The following IL2RB variants were observed in gnomAD, a reference collection of about 807,000 sequenced individuals.
IL2RB encodes the protein interleukin-2 receptor subunit beta.
IL2RB carries 17 observed loss-of-function variants against 44.2 expected under a neutral mutation model. That is an observed-to-expected ratio of 0.38 (90% confidence interval 0.26 to 0.58). The LOEUF is 0.58. Among genes scored for constraint, IL2RB ranks in the 20% least tolerant of loss-of-function variants. The probability of loss-of-function intolerance (pLI) is 0.63; values close to 1 mark genes in which losing one functional copy is unlikely to be tolerated. For synonymous variants in IL2RB, 286 were observed against 297.9 expected (o/e 0.96, Z 0.41); for missense variants, 624 against 685.5 (o/e 0.91, Z 1.00).
chr22:37,150,951 A>G (rs1239169350), upstream of IL2RB, among the ~76,000 whole-genome samples: 1 of 152,214 alleles, frequency 6.6e-6, no homozygotes, highest in Non-Finnish European at 1.5e-5. Context: ...TATATGTACC[A>G]CATTTTCTTT....
intron 3 of IL2RB, among the ~76,000 whole-genome samples, chr22:37,143,124 T>G (rs1470921247): frequency 6.6e-6 from 1 of 152,190 alleles, no homozygotes; most frequent in East Asian, 1.9e-4. Flanking sequence ...TCCCCACAGC[T>G]GCCTACAGGG....
chr22:37,131,145 C>T (rs967524068), intron 9 of IL2RB, among the ~76,000 whole-genome samples: 4 of 151,210 alleles, frequency 2.6e-5, no homozygotes, highest in South Asian at 2.1e-4. Flanking sequence ...CTAGCCTGGA[C>T]GACAGAGCAA....
intron 1 of IL2RB, chr22:37,166,750 G>T (rs1923095325): frequency 6.6e-6 from 1 of 152,230 alleles, no homozygotes; most frequent in Non-Finnish European, 1.5e-5. Flanking sequence ...TGTGCTGCAG[G>T]AGGGAGGTGA....
chr22:37,131,106 G>T (rs1306591679), intron 9 of IL2RB, among the ~76,000 whole-genome samples: 1 of 152,258 alleles, frequency 6.6e-6, no homozygotes, highest in African/African-American at 2.4e-5. Flanking sequence ...GGCAGAGTTT[G>T]CAGTGAGCTG....
intron 4 of IL2RB, among the ~76,000 whole-genome samples, chr22:37,142,198 A>G (rs537604364): frequency 6.6e-6 from 1 of 152,316 alleles, no homozygotes; most frequent in East Asian, 1.9e-4. Flanking sequence ...GCAGAGGCAG[A>G]ATGGCAGATG....
chr22:37,167,299 A>G (rs1279696870), intron 1 of IL2RB, among the ~76,000 whole-genome samples: 2 of 151,698 alleles, frequency 1.3e-5, no homozygotes, highest in African/African-American at 2.4e-5. Context: ...CCAAGCGCTC[A>G]CAGTCCTCTA....
chr22:37,159,815 A>AC (rs1009158621), intron 1 of IL2RB, among the ~76,000 whole-genome samples: 7 of 152,018 alleles, frequency 4.6e-5, no homozygotes, highest in African/African-American at 1.7e-4. Context: ...ATGGAGAAGG[A>AC]CCCCCCACTT....
In IL2RB at chr22:37,141,840, C is replaced by G. The variant is rs1921981133; in HGVS notation, c.282+594G>C. Among the ~76,000 whole-genome samples, 1 of 152,206 alleles carries G rather than the reference C, an allele frequency of 6.6e-6. No individual in the cohort carries two copies. The highest frequency in any genetic ancestry group is 1.5e-5 in the Non-Finnish European group (1 of 68,018). ...TGCAGGTGCCCCTTGGCCCGAGCAG[C>G]CTGGGCAGAAGGAGGCGGGTCCCTG... On this transcript the variant is annotated intron_variant, in intron 4 of 9. Transcript: ENST00000216223. The surrounding 1 kb of genome is among the most constrained non-coding windows in gnomAD (Gnocchi z 4.4).
intron 1 of IL2RB, among the ~76,000 whole-genome samples, chr22:37,166,414 C>T (rs1923080419): frequency 6.6e-6 from 1 of 152,238 alleles, no homozygotes; most frequent in Non-Finnish European, 1.5e-5. Context: ...AGATGCACTC[C>T]ACGCATTCAA....
At chr22:37,169,418 C>CT (rs1341922811) in intron 1 of IL2RB, among the ~76,000 whole-genome samples, 1 of 152,090 alleles carries the variant, frequency 6.6e-6, no homozygotes, top group Non-Finnish European at 1.5e-5. Flanking sequence ...CACAGGGGTT[C>CT]TGTTTACAGA....
intron 1 of IL2RB, among the ~76,000 whole-genome samples, chr22:37,148,819 G>A (rs1601606218): frequency 6.6e-6 from 1 of 152,072 alleles, no homozygotes; most frequent in African/African-American, 2.4e-5. Flanking sequence ...TGCAGTTCGG[G>A]GCCCCTGCTG....
intron 4 of IL2RB, among the ~76,000 whole-genome samples, chr22:37,140,405 A>C (rs1921908133): frequency 6.6e-6 from 1 of 152,074 alleles, no homozygotes; most frequent in African/African-American, 2.4e-5. Context: ...TCTTGAGAGC[A>C]CTTTACATAT....
chr22:37,135,929 G>C (rs138475528), intron 7 of IL2RB, among the ~76,000 whole-genome samples: 2 of 152,136 alleles, frequency 1.3e-5, no homozygotes, highest in East Asian at 3.8e-4. Context: ...AGATCAGGCC[G>C]AGAGGTGAAA....
intron 9 of IL2RB, 130 bp downstream of exon 9, chr22:37,132,254 C>A: frequency 1.5e-6 from 1 of 647,810 alleles, no homozygotes; most frequent in South Asian, 1.8e-5. Flanking sequence ...GAGACCCATG[C>A]ACACCCCGGA....
In IL2RB at chr22:37,141,157, C is replaced by T. The variant is rs976031535; in HGVS notation, c.282+1277G>A. Among the ~76,000 whole-genome samples the T allele has an allele frequency of 5.3e-5, 8 of 152,184 alleles. No individual in the cohort carries two copies. The South Asian group carries it at 8.3e-4, about 16-fold the overall frequency. On this transcript the variant is annotated intron_variant, in intron 4 of 9. Transcript: ENST00000216223. The surrounding 1 kb of genome is among the most constrained non-coding windows in gnomAD (Gnocchi z 4.4). ...GGGGGCTGGGATCAGGCAAGAGCCC[C>T]GCTCTCCTGGGCGCAGCTGCAGCCA...
chr22:37,135,448 CA>C lies in IL2RB; in HGVS notation c.704-7del. ...AATGGTGTCCTTCCCAAGGGCTGCC[CA>C]GGGGTGGGAGAAACAGCAAGGAGAG... On this transcript the variant is annotated splice_region_variant and splice_polypyrimidine_tract_variant and intron_variant, in intron 7 of 9. Coordinates refer to ENST00000216223, the MANE Select transcript of IL2RB (RefSeq NM_000878.5). The C allele has an allele frequency of 1.3e-6, 2 of 1,591,012 alleles. No homozygotes were observed. The highest frequency in any genetic ancestry group is 8.6e-7 in the Non-Finnish European group (1 of 1,159,128).
At chr22:37,161,726 G>C (rs1263139951) in intron 1 of IL2RB, 1 of 152,110 alleles carries the variant, frequency 6.6e-6, no homozygotes, top group Non-Finnish European at 1.5e-5. Context: ...ATGTGACCAG[G>C]TTCCCCCAGT....
chr22:37,163,547 T>TC (rs1922956068), intron 1 of IL2RB, among the ~76,000 whole-genome samples: 1 of 152,196 alleles, frequency 6.6e-6, no homozygotes, highest in African/African-American at 2.4e-5. Context: ...CAGAAGCTCT[T>TC]CCAGGAAAGT....
In IL2RB at chr22:37,136,389, G is replaced by T; in HGVS notation, c.542C>A (p.Ala181Asp). ...TLSPGHTWEE[A>D]PLLTLKQKQE... ...CTTCTGCTTGAGAGTCAGCAGGGGGGCCTCCTGGGTCGGAGACAGGACTGT... is the reference window on the plus strand; with the variant it reads ...CTTCTGCTTGAGAGTCAGCAGGGGGTCCTCCTGGGTCGGAGACAGGACTGT... Residue 181 changes from alanine (A) to aspartate (D), a missense_variant, in exon 7 of 10, where the codon GCC becomes GAC. By Grantham distance (126) the Ala-to-Asp change is moderately radical (BLOSUM62 -2). Around this residue, in one of 3 missense-constraint regions of IL2RB, gnomAD observed 255 missense variants for 339.9 expected, o/e 0.75. Transcript: ENST00000216223. 6.2e-7 allele frequency: 1 copy of T among 1,608,118 alleles called. No homozygotes were observed. Among genetic ancestry groups the T allele is most frequent in the South Asian group, 1.1e-5 (1 of 90,078 alleles).
Sources: gnomAD v4.1 joint callset for allele counts (sites outside exome capture counted in the v4.1 genomes callset) on GRCh38, gnomAD v4.1.1 for gene constraint, gnomAD v4.1.1 regional missense constraint, Gnocchi (gnomAD v3.1) non-coding constraint, MANE v1.5 for transcripts, NCBI Gene and HGNC (gene_info 2026-07-23, HGNC 2026-07-21) for gene names.